The following SCN8A variants were observed in gnomAD, a reference collection of about 807,000 sequenced individuals.
SCN8A encodes sodium channel protein type 8 subunit alpha.
A neutral mutation model predicts 184.1 loss-of-function variants in SCN8A; 30 were observed. The observed-to-expected ratio is 0.16, with a 90% CI of 0.12 to 0.22. The LOEUF is 0.22. Ranked by LOEUF, SCN8A falls within the 10% of genes least tolerant of loss-of-function variation. The probability of loss-of-function intolerance (pLI) is 1.00; values close to 1 mark genes in which losing one functional copy is unlikely to be tolerated. For missense variants in SCN8A, 1,057 were observed against 2,498.9 expected, an observed-to-expected ratio of 0.42 and a Z score of 12.30; for synonymous variants, 852 against 907.0, an observed-to-expected ratio of 0.94 and a Z score of 1.09.
At chr12:51,632,826 C>T (rs1940226300) in intron 1 of SCN8A, among the ~76,000 whole-genome samples, 1 of 152,112 alleles carries the variant, frequency 6.6e-6, no homozygotes. Flanking sequence ...TTGTTCAAGG[C>T]ACTTTGCAGC....
At chr12:51,735,510 T>C (rs1942309781) in intron 12 of SCN8A, among the ~76,000 whole-genome samples, 1 of 152,174 alleles carries the variant, frequency 6.6e-6, no homozygotes, top group Non-Finnish European at 1.5e-5. Flanking sequence ...AGTGATTGCA[T>C]CCAGGCATTA....
intron 2 of SCN8A, among the ~76,000 whole-genome samples, chr12:51,678,587 C>A (rs1344327303): frequency 6.6e-6 from 1 of 152,146 alleles, no homozygotes; most frequent in African/African-American, 2.4e-5. Context: ...AAAATGAGAT[C>A]TAGAGACATG....
At chr12:51,671,631 C>T (rs1157719104) in intron 2 of SCN8A, among the ~76,000 whole-genome samples, 3 of 152,092 alleles carry the variant, frequency 2.0e-5, no homozygotes, top group South Asian at 2.1e-4. Flanking sequence ...ATGATAATAT[C>T]GATCATCTCT....
intron 15 of SCN8A, among the ~76,000 whole-genome samples, chr12:51,764,245 C>T (rs1942803957): frequency 6.6e-6 from 1 of 152,188 alleles, no homozygotes; most frequent in Non-Finnish European, 1.5e-5. Flanking sequence ...ATTCCTATTA[C>T]ATTCTATGTT....
chr12:51,750,801 T>TA (rs1440907019), intron 13 of SCN8A, among the ~76,000 whole-genome samples: 1 of 152,186 alleles, frequency 6.6e-6, no homozygotes, highest in African/African-American at 2.4e-5. Flanking sequence ...TGAACTCAAA[T>TA]ATGTCTGGCT....
intron 26 of SCN8A, among the ~76,000 whole-genome samples, chr12:51,798,775 G>A (rs1336599340): frequency 6.6e-6 from 1 of 152,174 alleles, no homozygotes. Context: ...CATTCATGTG[G>A]GACACAAATA....
chr12:51,794,934 G>A (rs565634163), intron 26 of SCN8A, among the ~76,000 whole-genome samples: 3 of 152,074 alleles, frequency 2.0e-5, no homozygotes, highest in Non-Finnish European at 4.4e-5. Flanking sequence ...AAGTCTAACA[G>A]GGAAGGTAAA....
At chr12:51,703,315 C>A (rs1941724640) in intron 9 of SCN8A, among the ~76,000 whole-genome samples, 1 of 151,990 alleles carries the variant, frequency 6.6e-6, no homozygotes, top group African/African-American at 2.4e-5. Flanking sequence ...TATAATATTT[C>A]TACTTTTTGG....
In SCN8A at chr12:51,665,561, G is replaced by A. The variant is rs376856415; in HGVS notation, c.276+2468G>A. Among the ~76,000 whole-genome samples, 14 of 152,248 alleles carry A rather than the reference G, an allele frequency of 9.2e-5. No homozygotes were observed. In the South Asian group the frequency reaches 1.5e-3, roughly 16 times the overall value. ...ATGTTCATTGTACTTTTAAATGAAG[G>A]ATATTTTACTTGATTAAAAATAATA... On this transcript the variant is annotated intron_variant, in intron 2 of 26. Transcript: ENST00000627620.
intron 11 of SCN8A, among the ~76,000 whole-genome samples, chr12:51,720,285 A>G (rs1022674333): frequency 6.6e-6 from 1 of 150,394 alleles, no homozygotes; most frequent in Admixed American, 6.7e-5. Context: ...CATAAAAAGG[A>G]TGAGTTCACG....
At chr12:51,725,569 G>A (rs1017079199) in intron 12 of SCN8A, among the ~76,000 whole-genome samples, 1 of 151,996 alleles carries the variant, frequency 6.6e-6, no homozygotes, top group Non-Finnish European at 1.5e-5. Flanking sequence ...TATCCTATTA[G>A]CAGATGAGAC....
intron 13 of SCN8A, among the ~76,000 whole-genome samples, chr12:51,750,368 AC>A (rs1942577704): frequency 6.6e-6 from 1 of 152,146 alleles, no homozygotes; most frequent in Non-Finnish European, 1.5e-5. Flanking sequence ...GAAGATGATG[AC>A]CCAGGGAGGG....
rs993187999 is a variant in SCN8A, at chr12:51,636,911, T to A, written c.-54-25853T>A. Among the ~76,000 whole-genome samples the A allele has an allele frequency of 2.0e-5, 3 of 152,250 alleles. No individual in the cohort carries two copies. The East Asian group carries it at 5.8e-4, about 29-fold the overall frequency. On this transcript the variant is annotated intron_variant, in intron 1 of 26. Transcript: ENST00000627620. Reference sequence around the variant, plus strand: ...TTATTGGGCTTTGCTTTATTGTAATTTGCAGATACTGCATTTTTTTACAAA... The same window carrying A: ...TTATTGGGCTTTGCTTTATTGTAATATGCAGATACTGCATTTTTTTACAAA...
At chr12:51,628,526 C>T (rs1043410646) in intron 1 of SCN8A, among the ~76,000 whole-genome samples, 1 of 152,100 alleles carries the variant, frequency 6.6e-6, no homozygotes, top group Admixed American at 6.5e-5. Context: ...GGTTACTCTC[C>T]TTCTGGAGGG....
chr12:51,644,609 C>T (rs951433397), intron 1 of SCN8A, among the ~76,000 whole-genome samples: 5 of 152,198 alleles, frequency 3.3e-5, no homozygotes, highest in African/African-American at 9.6e-5. Context: ...CAGCAGCCTG[C>T]CTTGGCCTCC....
In SCN8A at chr12:51,662,803, C is replaced by G. The variant is rs1398404148; in HGVS notation, c.-15C>G. On this transcript the variant is annotated 5_prime_UTR_variant, in exon 2 of 27. Transcript: ENST00000627620. ...GGACGCAGCATAACTAACGAAGCTG[C>G]TGCAGGATGAGAAGATGGCAGCGCG... The G allele has an allele frequency of 6.2e-7, 1 of 1,612,212 alleles. No individual in the cohort carries two copies. The highest frequency in any genetic ancestry group is 2.2e-5 in the East Asian group (1 of 44,860).
chr12:51,665,838 T>C (rs1451358246), intron 2 of SCN8A, among the ~76,000 whole-genome samples: 1 of 151,996 alleles, frequency 6.6e-6, no homozygotes, highest in Admixed American at 6.6e-5. Flanking sequence ...CTGAGGTGGG[T>C]GGATCACAAG....
chr12:51,788,795 A>G (rs1938161304), intron 23 of SCN8A, 47 bp downstream of exon 23: 1 of 1,556,278 alleles, frequency 6.4e-7, no homozygotes, highest in Non-Finnish European at 8.8e-7. Context: ...ATGGCTGGAA[A>G]GCAAGCAGCA....
At position 51,707,500 on chromosome 12, in the gene SCN8A, A is replaced by G. The variant is rs576225411; in HGVS notation, c.1635+785A>G. ...AAGATGTAGGCTGGGAGGCTAGGCC[A>G]GTCTCGCCTTTTTACGTTTTTCTGC... On this transcript the variant is annotated intron_variant, in intron 11 of 26. Coordinates refer to ENST00000627620, the MANE Select transcript of SCN8A (RefSeq NM_001330260.2). Among the ~76,000 whole-genome samples the G allele has an allele frequency of 7.9e-5, 12 of 152,194 alleles. No individual in the cohort carries two copies. In the South Asian group the frequency reaches 2.5e-3, roughly 32 times the overall value.
Sources: allele counts gnomAD v4.1 joint callset (sites outside exome capture counted in the v4.1 genomes callset), GRCh38; gene constraint gnomAD v4.1.1; transcripts MANE v1.5; gene names NCBI Gene and HGNC (gene_info 2026-07-23, HGNC 2026-07-21).